SNTB1: variants seen among roughly 807,000 people sequenced by gnomAD.
The protein encoded by SNTB1 is beta-1-syntrophin.
A neutral mutation model predicts 48.9 loss-of-function variants in SNTB1; 36 were observed. That is an observed-to-expected ratio of 0.74 (90% CI 0.56 to 0.97). The LOEUF is 0.97. Ranked by LOEUF, SNTB1 falls within the 50% of genes least tolerant of loss-of-function variation. The pLI, the probability that SNTB1 is intolerant of heterozygous loss-of-function variation, is 0.00. For synonymous variants in SNTB1, 299 were observed against 294.6 expected, an observed-to-expected ratio of 1.01 and a Z score of -0.15; for missense variants, 786 against 703.4, an observed-to-expected ratio of 1.12 and a Z score of -1.33.
At chr8:120,657,024 G>T (rs1435227440) in intron 2 of SNTB1, among the ~76,000 whole-genome samples, 2 of 152,160 alleles carry the variant, frequency 1.3e-5, no homozygotes, top group Non-Finnish European at 2.9e-5. Context: ...AACTGAAAAT[G>T]ATTCAGAGTT....
At chr8:120,548,045 G>A (rs1815412635) in intron 5 of SNTB1, among the ~76,000 whole-genome samples, 1 of 152,148 alleles carries the variant, frequency 6.6e-6, no homozygotes, top group Non-Finnish European at 1.5e-5. Context: ...TTCATGAATA[G>A]CTTGGTTCCC....
chr8:120,628,039 C>T (rs143673443), intron 3 of SNTB1, among the ~76,000 whole-genome samples: 10 of 152,302 alleles, frequency 6.6e-5, no homozygotes, highest in Non-Finnish European at 1.2e-4. Context: ...ACTACATAAA[C>T]GTTCCCATTT....
At chr8:120,676,443 G>A (rs1483149007) in intron 2 of SNTB1, among the ~76,000 whole-genome samples, 2 of 152,162 alleles carry the variant, frequency 1.3e-5, no homozygotes, top group African/African-American at 2.4e-5. Context: ...AAAGAGACAG[G>A]ATTCAAACCT....
rs184394824 is a variant in SNTB1 at position 120,536,054 on chromosome 8, A to C, written c.*2823T>G. 25 of 152,340 alleles carry C rather than the reference A, an allele frequency of 1.6e-4. No homozygotes were observed. The highest frequency in any genetic ancestry group is 5.8e-4 in the African/African-American group (24 of 41,582). The allele number at this position is 152,340 out of a possible 1,614,324, so 9.4% of individuals were successfully genotyped here. A position where few individuals can be genotyped will look rare whatever the true frequency, so the allele number is the denominator to read the frequency against. On this transcript the variant is annotated 3_prime_UTR_variant, in exon 7 of 7. Coordinates refer to ENST00000517992, the MANE Select transcript of SNTB1 (RefSeq NM_021021.4). ...TTTAATTGCACTAGTTGATGAATTAAGTAAATGCCTCTGCCTGGGTAGTTT... is the reference window on the plus strand; with the variant it reads ...TTTAATTGCACTAGTTGATGAATTACGTAAATGCCTCTGCCTGGGTAGTTT...
intron 1 of SNTB1, among the ~76,000 whole-genome samples, chr8:120,799,064 T>C (rs1820171192): frequency 6.6e-6 from 1 of 151,790 alleles, no homozygotes; most frequent in Admixed American, 6.6e-5. Flanking sequence ...GGCTGGAGAG[T>C]TGGTAAATCC....
Position 120,811,713 on chromosome 8 carries a change from T to C in SNTB1, c.131A>G (p.Asp44Gly). 6.3e-7 allele frequency: 1 copy of C among 1,576,624 alleles called. No homozygotes were observed. The highest frequency in any genetic ancestry group is 1.9e-5 in the Admixed American group (1 of 53,946). Residue 44 changes from aspartate to glycine, a missense_variant, in exon 1 of 7, where the codon GAC (aspartate) becomes GGC (glycine). Coordinates refer to ENST00000517992, the MANE Select transcript of SNTB1 (RefSeq NM_021021.4). ...CTCCTCGCTGCTCAGAACCAGGGCG[T>C]CCTCGCTCAAGTTCACCAGAACTTT... ...WHKVLVNLSE[D>G]ALVLSSEEGA...
chr8:120,699,404 G>T (rs1818266585), intron 1 of SNTB1, among the ~76,000 whole-genome samples: 1 of 152,196 alleles, frequency 6.6e-6, no homozygotes, highest in Non-Finnish European at 1.5e-5. Context: ...TAATGAGTGA[G>T]TTCTCACCCA....
In SNTB1 at chr8:120,811,568, G is replaced by A. The variant is rs1362114809; in HGVS notation, c.276C>T (p.Arg92=). ...AQPPDSPAGV[R]TAFTDLPEQV... ...GCTCGGGCAGGTCGGTGAAAGCGGT[G>A]CGGACCCCGGCGGGCGAGTCCGGGG... The change falls in exon 1 of 7, where the codon CGC becomes CGT. Residue 92 remains arginine, a synonymous_variant. Transcript: ENST00000517992. The A allele has an allele frequency of 3.2e-6, 5 of 1,567,026 alleles. No individual in the cohort carries two copies. The highest frequency in any genetic ancestry group is 4.3e-6 in the Non-Finnish European group (5 of 1,156,650).
intron 1 of SNTB1, among the ~76,000 whole-genome samples, chr8:120,722,464 T>C (rs1818678587): frequency 6.6e-6 from 1 of 152,218 alleles, no homozygotes; most frequent in Admixed American, 6.5e-5. Context: ...GGTATCTCAG[T>C]GTGGTTTTGA....
chr8:120,712,259 A>G (rs953183054), intron 1 of SNTB1, among the ~76,000 whole-genome samples: 6 of 151,738 alleles, frequency 4.0e-5, no homozygotes, highest in Admixed American at 6.6e-5. Flanking sequence ...CTAAAAATAT[A>G]AAAAAATTAG....
chr8:120,737,665 C>G (rs988950957), intron 1 of SNTB1, among the ~76,000 whole-genome samples: 1 of 152,174 alleles, frequency 6.6e-6, no homozygotes, highest in Non-Finnish European at 1.5e-5. Flanking sequence ...CTGGGGCCAG[C>G]CATGTCAAGG....
At chr8:120,593,904 A>C (rs1437138796) in intron 3 of SNTB1, among the ~76,000 whole-genome samples, 1 of 152,160 alleles carries the variant, frequency 6.6e-6, no homozygotes, top group Non-Finnish European at 1.5e-5. Context: ...ATCTTTCTTA[A>C]AATGGCATCA....
chr8:120,620,729 G>A (rs1312995287), intron 3 of SNTB1, among the ~76,000 whole-genome samples: 2 of 141,858 alleles, frequency 1.4e-5, no homozygotes, highest in African/African-American at 5.2e-5. Context: ...ATCTTATGGT[G>A]TGTTCAGAGA....
Position 120,599,475 on chromosome 8 carries a change from C to T in SNTB1, c.997-24250G>A, listed in dbSNP as rs146199215. ...TATAAATCCAGGTTTTATATTTATT[C>T]ATGCCTCATTTCAAAATAAATCTGA... is the stretch of plus-strand genomic sequence containing the variant. On this transcript the variant is annotated intron_variant, in intron 3 of 6. Transcript: ENST00000517992. Among the ~76,000 whole-genome samples the T allele has an allele frequency of 8.7e-4, 132 of 152,248 alleles. 3 individuals are homozygous for T. Among genetic ancestry groups the T allele is most frequent in the African/African-American group, 3.1e-3 (127 of 41,552 alleles).
chr8:120,722,303 T>G (rs1818674860), intron 1 of SNTB1, among the ~76,000 whole-genome samples: 1 of 152,224 alleles, frequency 6.6e-6, no homozygotes, highest in Non-Finnish European at 1.5e-5. Flanking sequence ...TAGCTCTAGA[T>G]CCTTGAGGAA....
At chr8:120,758,692 T>A (rs1819359816) in intron 1 of SNTB1, among the ~76,000 whole-genome samples, 1 of 152,078 alleles carries the variant, frequency 6.6e-6, no homozygotes, top group African/African-American at 2.4e-5. Flanking sequence ...GAATTGCAAT[T>A]TGGGGACACA....
In SNTB1 at chr8:120,662,562, G is replaced by A. The variant is rs180839699; in HGVS notation, c.789-29911C>T. ...AGGTGCATGGGGTGGGTTGGGAGGA[G>A]CAGGCAGTGGAGAGCGAGAGGAGAA... On this transcript the variant is annotated intron_variant, in intron 2 of 6. Coordinates refer to ENST00000517992, the MANE Select transcript of SNTB1 (RefSeq NM_021021.4). Among the ~76,000 whole-genome samples, 294 of 152,298 alleles carry A rather than the reference G, an allele frequency of 1.9e-3. 2 individuals carry two copies. Among genetic ancestry groups the A allele is most frequent in the Admixed American group, 4.6e-3 (70 of 15,296 alleles).
chr8:120,662,942 G>A (rs1043269264), intron 2 of SNTB1, among the ~76,000 whole-genome samples: 11 of 147,732 alleles, frequency 7.4e-5, no homozygotes, highest in Admixed American at 1.4e-4. Flanking sequence ...TGGAGATACT[G>A]AGGCAGAAAA....
At chr8:120,608,315 C>A (rs985294965) in intron 3 of SNTB1, among the ~76,000 whole-genome samples, 26 of 152,210 alleles carry the variant, frequency 1.7e-4, no homozygotes, top group African/African-American at 6.3e-4. Context: ...TCGCTCCCCA[C>A]CCCAATTCAC....
Sources: allele counts gnomAD v4.1 joint callset (sites outside exome capture counted in the v4.1 genomes callset), GRCh38; gene constraint gnomAD v4.1.1; transcripts MANE v1.5; gene names NCBI Gene and HGNC (gene_info 2026-07-23, HGNC 2026-07-21).